TMPRSS11D: variants seen among roughly 807,000 people sequenced by gnomAD.
TMPRSS11D encodes transmembrane serine protease 11D.
A neutral mutation model predicts 44.4 loss-of-function variants in TMPRSS11D; 32 were observed. That is an observed-to-expected ratio of 0.72 (90% CI 0.54 to 0.97). The LOEUF (loss-of-function observed/expected upper bound fraction) is 0.97. Ranked by LOEUF, TMPRSS11D falls within the 50% of genes least tolerant of loss-of-function variation. The probability of loss-of-function intolerance (pLI) is 0.00; values close to 1 mark genes in which losing one functional copy is unlikely to be tolerated. For missense variants in TMPRSS11D, 446 were observed against 502.6 expected (o/e 0.89, Z 1.08); for synonymous variants, 179 against 177.9 (o/e 1.01, Z -0.05).
chr4:67,880,431 G>T (rs540467768), intron 1 of TMPRSS11D, among the ~76,000 whole-genome samples: 11 of 152,240 alleles, frequency 7.2e-5, no homozygotes, highest in African/African-American at 2.6e-4. Flanking sequence ...TATGGGTCAA[G>T]GGAGGGATTT....
At chr4:67,877,744 T>G (rs1387228182) in intron 1 of TMPRSS11D, among the ~76,000 whole-genome samples, 2 of 152,224 alleles carry the variant, frequency 1.3e-5, no homozygotes, top group African/African-American at 4.8e-5. Context: ...CAGTTGAATG[T>G]CAAATCTGGT....
chr4:67,825,248 A>AT (rs1717763513), intron 9 of TMPRSS11D, among the ~76,000 whole-genome samples: 1 of 151,792 alleles, frequency 6.6e-6, no homozygotes, highest in Non-Finnish European at 1.5e-5. Context: ...ATAGTGATTA[A>AT]TTTTTTATTT....
rs556755981 is a variant in TMPRSS11D, at chr4:67,854,195, G to T, written c.131-9C>A. The stretch of plus-strand genomic sequence containing the variant: ...AAAGTAAGATTTTTGATCTGAAAAA[G>T]AAATAAAAGGGAAGGTCAGTCTTAC... On this transcript the variant is annotated splice_polypyrimidine_tract_variant and intron_variant, in intron 2 of 9. Transcript: ENST00000283916. 15 of 1,347,180 alleles carry T rather than the reference G, an allele frequency of 1.1e-5. No individual in the cohort carries two copies. Among genetic ancestry groups the T allele is most frequent in the East Asian group, 4.8e-5 (2 of 41,980 alleles). 83.5% of individuals were successfully genotyped at this position (1,347,180 alleles called of 1,614,324 possible). A position where few individuals can be genotyped will look rare whatever the true frequency, so the allele number is the denominator to read the frequency against.
rs145265614 is a variant in TMPRSS11D, at chr4:67,823,662, C to T, written c.1096-1164G>A. On this transcript the variant is annotated intron_variant, in intron 9 of 9. Transcript: ENST00000283916. Reference sequence around the variant, plus strand: ...GCTCTTAGTAGCTAGCTCATCCATACCTGTTTAATTACTGGTCTAGGTGGG... The same window carrying T: ...GCTCTTAGTAGCTAGCTCATCCATATCTGTTTAATTACTGGTCTAGGTGGG... Among the ~76,000 whole-genome samples, 6 of 152,154 alleles carry T rather than the reference C, an allele frequency of 3.9e-5. No individual in the cohort carries two copies. The East Asian group carries it at 1.2e-3, about 29-fold the overall frequency.
chr4:67,834,288 A>G (rs1440406894), intron 6 of TMPRSS11D, among the ~76,000 whole-genome samples: 1 of 152,124 alleles, frequency 6.6e-6, no homozygotes, highest in Non-Finnish European at 1.5e-5. Flanking sequence ...AATTTCCTGG[A>G]TAAAGGAGGA....
intron 1 of TMPRSS11D, among the ~76,000 whole-genome samples, chr4:67,864,721 A>G (rs1718876626): frequency 6.6e-6 from 1 of 151,974 alleles, no homozygotes; most frequent in African/African-American, 2.4e-5. Context: ...GAATAGAAGT[A>G]GCTATGTTTA....
intron 7 of TMPRSS11D, among the ~76,000 whole-genome samples, chr4:67,832,247 A>G (rs1338081672): frequency 6.6e-6 from 1 of 152,076 alleles, no homozygotes; most frequent in Non-Finnish European, 1.5e-5. Context: ...TTAGAGTAAG[A>G]GTCTGAGAAG....
intron 9 of TMPRSS11D, among the ~76,000 whole-genome samples, chr4:67,822,774 C>T (rs1472128365): frequency 6.6e-6 from 1 of 152,194 alleles, no homozygotes; most frequent in East Asian, 1.9e-4. Flanking sequence ...CAGGCTTTCT[C>T]TCCTTCGGGA....
intron 6 of TMPRSS11D, 83 bp from the exon 7 acceptor site, chr4:67,833,464 A>G (rs1283354929): frequency 7.2e-6 from 9 of 1,258,382 alleles, no homozygotes; most frequent in Non-Finnish European, 9.4e-6. Context: ...TCCATAATTT[A>G]TGACTTTTAT....
chr4:67,834,990 A>G, intron 6 of TMPRSS11D, 93 bp downstream of exon 6: 1 of 1,128,390 alleles, frequency 8.9e-7, no homozygotes, highest in South Asian at 1.3e-5. Context: ...TCAACTTGAT[A>G]GATACTGCCT....
At chr4:67,874,811 T>A (rs1719144436) in intron 1 of TMPRSS11D, among the ~76,000 whole-genome samples, 1 of 152,126 alleles carries the variant, frequency 6.6e-6, no homozygotes. Flanking sequence ...TAGTTGAGGG[T>A]CATTTAGTAG....
chr4:67,821,362 C>A lies in TMPRSS11D; in HGVS notation c.*975G>T, dbSNP rs962962464. The A allele has an allele frequency of 1.3e-5, 2 of 152,094 alleles. No individual in the cohort carries two copies. 9.4% of individuals were successfully genotyped at this position (152,094 alleles called of 1,614,324 possible). A position where few individuals can be genotyped will look rare whatever the true frequency, so the allele number is the denominator to read the frequency against. The stretch of plus-strand genomic sequence containing the variant: ...TTAAGCTATTTAAACTTTTCCTTTG[C>A]AAACCAACTCTTCCCCCTCTTTAAA... On this transcript the variant is annotated 3_prime_UTR_variant, in exon 10 of 10. Transcript: ENST00000283916.
At chr4:67,862,798 A>G (rs1415157079) in intron 1 of TMPRSS11D, among the ~76,000 whole-genome samples, 1 of 152,084 alleles carries the variant, frequency 6.6e-6, no homozygotes, top group Non-Finnish European at 1.5e-5. Context: ...TCAGCAAACT[A>G]TCGCAAGGAC....
chr4:67,865,672 T>C (rs1718909219), intron 1 of TMPRSS11D, among the ~76,000 whole-genome samples: 1 of 151,640 alleles, frequency 6.6e-6, no homozygotes, highest in Non-Finnish European at 1.5e-5. Context: ...CAAGAACCAT[T>C]AGACACTACT....
chr4:67,854,944 A>G (rs1168970375), intron 2 of TMPRSS11D, among the ~76,000 whole-genome samples: 2 of 152,154 alleles, frequency 1.3e-5, no homozygotes, highest in Non-Finnish European at 2.9e-5. Flanking sequence ...AGAGAAAACC[A>G]GACAAGGACA....
chr4:67,847,483 G>C (rs1718386067), intron 3 of TMPRSS11D, among the ~76,000 whole-genome samples: 2 of 152,140 alleles, frequency 1.3e-5, no homozygotes, highest in Non-Finnish European at 2.9e-5. Context: ...GGGAGGCTTA[G>C]TTTTCTTTTA....
At chr4:67,868,120 C>G (rs868524977) in intron 1 of TMPRSS11D, among the ~76,000 whole-genome samples, 6 of 143,840 alleles carry the variant, frequency 4.2e-5, no homozygotes, top group Non-Finnish European at 5.9e-5. Context: ...GAATACTACT[C>G]AACCATAAAA....
Position 67,881,180 on chromosome 4 carries a change from G to A in TMPRSS11D, c.8+2746C>T, listed in dbSNP as rs144572122. 3.7e-3 allele frequency among the ~76,000 whole-genome samples: 570 copies of A among 152,310 alleles called. 6 individuals carry two copies. Among genetic ancestry groups the A allele is most frequent in the African/African-American group, 0.013 (534 of 41,560 alleles). ...TTGGATAACTGTAGGTTCCCTTACAGCAGTAAATATTGAATGAATCCCTTC... is the reference window on the plus strand; with the variant it reads ...TTGGATAACTGTAGGTTCCCTTACAACAGTAAATATTGAATGAATCCCTTC... On this transcript the variant is annotated intron_variant, in intron 1 of 9. Coordinates refer to ENST00000283916, the MANE Select transcript of TMPRSS11D (RefSeq NM_004262.3).
chr4:67,861,696 AGT>A (rs2109691094), intron 1 of TMPRSS11D, among the ~76,000 whole-genome samples: 1 of 152,262 alleles, frequency 6.6e-6, no homozygotes, highest in Non-Finnish European at 1.5e-5. Flanking sequence ...TTTTGCTTTC[AGT>A]TCACGAAAAA....
Sources: gnomAD v4.1 joint callset for allele counts (sites outside exome capture counted in the v4.1 genomes callset) on GRCh38, gnomAD v4.1.1 for gene constraint, MANE v1.5 for transcripts, NCBI Gene and HGNC (gene_info 2026-07-23, HGNC 2026-07-21) for gene names.